Variants in ABCC10 observed in about 807,000 individuals in gnomAD.
The protein encoded by ABCC10 is ATP binding cassette subfamily C member 10.
Under a neutral mutation model 143.2 loss-of-function variants are expected in ABCC10, and 110 were observed. The ratio of observed to expected loss-of-function variants is 0.77; its 90% CI spans 0.66 to 0.90. ABCC10 has a LOEUF of 0.90. Among genes scored for constraint, ABCC10 ranks in the 40% least tolerant of loss-of-function variants. The probability of loss-of-function intolerance (pLI) is 0.00; values close to 1 mark genes in which losing one functional copy is unlikely to be tolerated. For synonymous variants in ABCC10, 805 were observed against 846.7 expected, an observed-to-expected ratio of 0.95 and a Z score of 0.85; for missense variants, 1,700 against 1,900.5, an observed-to-expected ratio of 0.89 and a Z score of 1.96.
Position 43,444,828 on chromosome 6 carries a change from C to A in ABCC10, c.2730C>A (p.Ile910=). 1.2e-6 allele frequency: 2 copies of A among 1,612,460 alleles called. No individual in the cohort carries two copies. Among genetic ancestry groups the A allele is most frequent in the Non-Finnish European group, 8.5e-7 (1 of 1,179,234 alleles). ...CTGACTGGTGGCTCTCCCACTGGAT[C>A]TCTCAGCTGAAGGCTGAGAATAGCT... The part of the protein sequence containing the change: ...NAADWWLSHW[I]SQLKAENSSQ... The change falls in exon 13 of 22, where the codon ATC becomes ATA. Residue 910 remains isoleucine (I), a synonymous_variant. Coordinates refer to ENST00000372530, the MANE Select transcript of ABCC10 (RefSeq NM_001198934.2).
chr6:43,451,977 C>T, downstream of ABCC10: 1 of 1,614,218 alleles, frequency 6.2e-7, no homozygotes, highest in Non-Finnish European at 8.5e-7. The surrounding 1 kb of genome is among the most constrained non-coding windows in gnomAD (Gnocchi z 4.4). Context: ...CGCTCGCAGT[C>T]ACGCCCATGG....
At position 43,445,801 on chromosome 6, in the gene ABCC10, A is replaced by G; in HGVS notation, c.3233A>G (p.Tyr1078Cys). 6.2e-7 allele frequency: 1 copy of G among 1,614,022 alleles called. No individual in the cohort carries two copies. The highest frequency in any genetic ancestry group is 8.5e-7 in the Non-Finnish European group (1 of 1,180,018). Reference protein sequence around the residue: ...LLLLPPLSIMYYHVQRHYRAS... With the variant: ...LLLLPPLSIMCYHVQRHYRAS... Reference sequence around the variant, plus strand: ...CTGCTGCCGCCTTTGAGCATCATGTACTATCACGTGCAGCGCCACTACAGG... The same window carrying G: ...CTGCTGCCGCCTTTGAGCATCATGTGCTATCACGTGCAGCGCCACTACAGG... Residue 1078 changes from tyrosine (Y) to cysteine (C), a missense_variant, in exon 15 of 22, where the codon TAC becomes TGC. Transcript: ENST00000372530.
At chr6:43,441,611 CCATCTT>C (rs1266771735) in intron 8 of ABCC10, among the ~76,000 whole-genome samples, 1 of 152,214 alleles carries the variant, frequency 6.6e-6, no homozygotes, top group East Asian at 1.9e-4. Context: ...GGAAATGATA[CCATCTT>C]CATAAGATTA....
chr6:43,438,181 C>T (rs946224821), intron 7 of ABCC10, 168 bp downstream of exon 7: 15 of 936,298 alleles, frequency 1.6e-5, no homozygotes, highest in Admixed American at 5.0e-5. Flanking sequence ...GCCAAGAAAG[C>T]GAATCATTGT....
At chr6:43,438,468 C>G in intron 7 of ABCC10, 156 bp from the exon 8 acceptor site, 1 of 1,437,796 alleles carries the variant, frequency 7.0e-7, no homozygotes, top group South Asian at 1.5e-5. Flanking sequence ...TCATTAGGAC[C>G]CCTTGACCTC....
Position 43,443,550 on chromosome 6 carries a change from AG to A in ABCC10, c.2417-381del. ...CCTGCAAGTTTACTGGGAGAGAAAT[AG>A]GAGGAAATGAAGCTCCAGCCAGATA... On this transcript the variant is annotated intron_variant, in intron 10 of 21. Coordinates refer to ENST00000372530, the MANE Select transcript of ABCC10 (RefSeq NM_001198934.2). This position sits in a 1 kb window ranked among gnomAD's most constrained non-coding sequence, Gnocchi z 4.2. 7.3e-6 allele frequency: 2 copies of A among 273,434 alleles called. No homozygotes were observed. Among genetic ancestry groups the A allele is most frequent in the East Asian group, 1.4e-4 (2 of 14,344 alleles). 16.9% of individuals were successfully genotyped at this position (273,434 alleles called of 1,614,324 possible).
intron 2 of ABCC10, 54 bp downstream of exon 2, chr6:43,428,193 C>A: frequency 6.9e-7 from 1 of 1,458,746 alleles, no homozygotes; most frequent in Non-Finnish European, 9.1e-7. Flanking sequence ...AGATCTCACC[C>A]GCGGCCTACA....
chr6:43,443,976 AGCCTGG>A lies in ABCC10; in HGVS notation c.2463_2468del (p.Trp822_Ala823del), dbSNP rs1175551357. 2 of 1,614,066 alleles carry A rather than the reference AGCCTGG, an allele frequency of 1.2e-6. No individual in the cohort carries two copies. The highest frequency in any genetic ancestry group is 2.7e-5 in the African/African-American group (2 of 74,928). ...TGCCACTGGTACAAGCTGTCCCCAA[AGCCTGG>A]GCTGAGAATGGACAAGAGTCTGACT... is the stretch of plus-strand genomic sequence containing the variant. On this transcript the variant is annotated inframe_deletion, in exon 11 of 22. Transcript: ENST00000372530. The surrounding 1 kb of genome is among the most constrained non-coding windows in gnomAD (Gnocchi z 4.2).
Position 43,432,375 on chromosome 6 carries a change from G to T in ABCC10, c.395G>T (p.Gly132Val). 1.2e-6 allele frequency: 2 copies of T among 1,613,068 alleles called. No individual in the cohort carries two copies. Among genetic ancestry groups the T allele is most frequent in the South Asian group, 1.1e-5 (1 of 91,090 alleles). ...LAHSPHGHSR[G>V]PLALALVALL... ...CATTCCCCTCATGGCCACTCCCGGG[G>T]TCCCTTGGCCTTGGCCCTGGTAGCC... is the stretch of plus-strand genomic sequence containing the variant. The change falls in exon 3 of 22, where the codon GGT becomes GTT. Residue 132 changes from glycine to valine, a missense_variant. Physicochemically the swap from Gly to Val is moderately radical, Grantham distance 109 (BLOSUM62 -3). Coordinates refer to ENST00000372530, the MANE Select transcript of ABCC10 (RefSeq NM_001198934.2).
At chr6:43,438,306 G>T in intron 7 of ABCC10, 1 of 1,365,008 alleles carries the variant, frequency 7.3e-7, no homozygotes, top group Non-Finnish European at 9.6e-7. Flanking sequence ...CCAGAGAGGA[G>T]CATAGGTTTG....
Position 43,432,746 on chromosome 6 carries a change from C to T in ABCC10, c.766C>T (p.Pro256Ser). 1 of 1,614,172 alleles carries T rather than the reference C, an allele frequency of 6.2e-7. No homozygotes were observed. The highest frequency in any genetic ancestry group is 1.7e-5 in the Admixed American group (1 of 60,026). ...TTGCCGCCTCCCCCACAGACTGCAG[C>T]CAACCTACCTGGCTCGTGTCTTCCA... Reference protein sequence around the residue: ...DICRLPHRLQPTYLARVFQAH... With the variant: ...DICRLPHRLQSTYLARVFQAH... Residue 256 changes from proline (P) to serine (S), a missense_variant, in exon 3 of 22, where the codon CCA becomes TCA. By Grantham distance (74) the Pro-to-Ser change is moderately conservative (BLOSUM62 -1). Transcript: ENST00000372530.
At position 43,443,003 on chromosome 6, in the gene ABCC10, G is replaced by A. The variant is rs1470000048; in HGVS notation, c.2260G>A (p.Ala754Thr). Residue 754 changes from alanine (A) to threonine (T), a missense_variant, in exon 10 of 22, where the codon GCC (alanine) becomes ACC (threonine). Transcript: ENST00000372530. The surrounding 1 kb of genome is among the most constrained non-coding windows in gnomAD (Gnocchi z 4.2). Reference sequence around the variant, plus strand: ...GCTCTATCTCCTCGATGACCCTCTGGCCGCTGTGGATGCAGATGTGGCCAA... The same window carrying A: ...GCTCTATCTCCTCGATGACCCTCTGACCGCTGTGGATGCAGATGTGGCCAA... Reference protein sequence around the residue: ...KELYLLDDPLAAVDADVANHL... With the variant: ...KELYLLDDPLTAVDADVANHL... The A allele has an allele frequency of 3.7e-6, 6 of 1,607,862 alleles. No homozygotes were observed. Among genetic ancestry groups the A allele is most frequent in the African/African-American group, 1.3e-5 (1 of 74,836 alleles).
rs377001266 is a variant in ABCC10 at position 43,449,139 on chromosome 6, C to T, written c.4138C>T (p.Arg1380Trp). 3.4e-5 allele frequency: 55 copies of T among 1,613,988 alleles called. No individual in the cohort carries two copies. The highest frequency in any genetic ancestry group is 7.7e-5 in the South Asian group (7 of 91,088). The stretch of plus-strand genomic sequence containing the variant: ...GGATGGTGAGCTGGGTGAGGGGGGC[C>T]GGAGCTTATCTCTTGGGCAGAGGCA... ...GLDGELGEGG[R>W]SLSLGQRQLL... Residue 1380 changes from arginine to tryptophan, a missense_variant, in exon 20 of 22, where the codon CGG becomes TGG. Physicochemically the swap from Arg to Trp is moderately radical, Grantham distance 101 (BLOSUM62 -3). Coordinates refer to ENST00000372530, the MANE Select transcript of ABCC10 (RefSeq NM_001198934.2).
downstream of ABCC10, chr6:43,451,037 G>T: frequency 6.2e-7 from 1 of 1,614,254 alleles, no homozygotes; most frequent in Middle Eastern, 1.6e-4. The surrounding 1 kb of genome is among the most constrained non-coding windows in gnomAD (Gnocchi z 4.4). Flanking sequence ...GGCATGGGCG[G>T]CTGGCACAGT....
chr6:43,438,851 C>T lies in ABCC10; in HGVS notation c.2127+56C>T, dbSNP rs563252526. 16 of 1,585,330 alleles carry T rather than the reference C, an allele frequency of 1.0e-5. No homozygotes were observed. In the African/African-American group the frequency reaches 2.0e-4, roughly 20 times the overall value. The stretch of plus-strand genomic sequence containing the variant: ...GCCTGTTTCTCCAGTGTCCCTGACA[C>T]CTCAAACCAGGAGCTTTGCTTTTCT... On this transcript the variant is annotated intron_variant, in intron 8 of 21. Transcript: ENST00000372530.
At position 43,445,283 on chromosome 6, in the gene ABCC10, T is replaced by C. The variant is rs1351098404; in HGVS notation, c.2999T>C (p.Leu1000Pro). ...AAGTLQAAAT[L>P]HRRLLHRVLM... ...GGCACCCTTCAAGCAGCTGCCACTC[T>C]GCATCGCCGCCTGCTGCATCGAGTC... Residue 1000 changes from leucine (L) to proline (P), a missense_variant, in exon 14 of 22, where the codon CTG becomes CCG. Coordinates refer to ENST00000372530, the MANE Select transcript of ABCC10 (RefSeq NM_001198934.2). The C allele has an allele frequency of 6.2e-7, 1 of 1,613,974 alleles. No homozygotes were observed. Among genetic ancestry groups the C allele is most frequent in the East Asian group, 2.2e-5 (1 of 44,848 alleles).
Position 43,443,950 on chromosome 6 carries a change from C to T in ABCC10, c.2434C>T (p.Leu812=), listed in dbSNP as rs145746977. The T allele has an allele frequency of 5.8e-5, 93 of 1,613,960 alleles. No homozygotes were observed. The highest frequency in any genetic ancestry group is 3.8e-4 in the South Asian group (35 of 91,094). Residue 812 remains leucine, a synonymous_variant, in exon 11 of 22, where the codon CTG becomes TTG. Coordinates refer to ENST00000372530, the MANE Select transcript of ABCC10 (RefSeq NM_001198934.2). The surrounding 1 kb of genome is among the most constrained non-coding windows in gnomAD (Gnocchi z 4.2). ...LIRAGPPSEI[L]PLVQAVPKAW... is the part of the protein sequence containing the mutation. ...CCCTCCAGGACCTCCCTCTGAGATT[C>T]TGCCACTGGTACAAGCTGTCCCCAA...
intron 15 of ABCC10, 56 bp from the exon 16 acceptor site, chr6:43,446,221 G>A: frequency 6.4e-7 from 1 of 1,571,342 alleles, no homozygotes; most frequent in South Asian, 1.2e-5. Flanking sequence ...AGGCCCTGAG[G>A]CTGGGTGGCT....
chr6:43,440,630 A>G (rs1693020702), intron 8 of ABCC10, among the ~76,000 whole-genome samples: 2 of 151,932 alleles, frequency 1.3e-5, no homozygotes, highest in South Asian at 4.1e-4. Context: ...TTGGAAGTCC[A>G]AGGTGGGCAG....
Sources: gnomAD v4.1 joint callset for allele counts (sites outside exome capture counted in the v4.1 genomes callset) on GRCh38, gnomAD v4.1.1 for gene constraint, Gnocchi (gnomAD v3.1) non-coding constraint, MANE v1.5 for transcripts, NCBI Gene and HGNC (gene_info 2026-07-23, HGNC 2026-07-21) for gene names.